RELN: variants seen among roughly 807,000 people sequenced by gnomAD.
RELN encodes reelin.
RELN carries 108 observed loss-of-function variants against 427.6 expected under a neutral mutation model. The ratio of observed to expected loss-of-function variants is 0.25; its 90% confidence interval spans 0.22 to 0.30. RELN has a LOEUF of 0.30. RELN is among the 10% of genes least tolerant of loss of function. RELN has a pLI of 1.00. For missense variants in RELN, 3,715 were observed against 4,302.8 expected, an observed-to-expected ratio of 0.86 and a Z score of 3.82; for synonymous variants, 1,524 against 1,513.4, an observed-to-expected ratio of 1.01 and a Z score of -0.16.
chr7:103,532,514 A>G (rs1406424071), intron 46 of RELN, among the ~76,000 whole-genome samples: 3 of 152,118 alleles, frequency 2.0e-5, no homozygotes, highest in Non-Finnish European at 2.9e-5. Flanking sequence ...ATGTCTCCCT[A>G]TTGCCAAACA....
intron 8 of RELN, among the ~76,000 whole-genome samples, chr7:103,703,654 G>A (rs912443732): frequency 6.6e-6 from 1 of 152,166 alleles, no homozygotes; most frequent in African/African-American, 2.4e-5. Context: ...AGAAAGGAAG[G>A]ACAATTTCAA....
Position 103,485,690 on chromosome 7 carries a change from C to T in RELN, c.9983+507G>A, listed in dbSNP as rs763786395. ...TCTGCCCACTCTACTCTGCATTAAC[C>T]CTCAGCAATTTAACCCTCAGCAATT... On this transcript the variant is annotated intron_variant, in intron 61 of 64. Coordinates refer to ENST00000428762, the MANE Select transcript of RELN (RefSeq NM_005045.4). 2.6e-5 allele frequency among the ~76,000 whole-genome samples: 4 copies of T among 152,092 alleles called. No homozygotes were observed. In the South Asian group the frequency reaches 8.3e-4, roughly 32 times the overall value.
chr7:103,813,224 C>T (rs1304315039), intron 3 of RELN, among the ~76,000 whole-genome samples: 1 of 152,086 alleles, frequency 6.6e-6, no homozygotes, highest in Non-Finnish European at 1.5e-5. Context: ...GTCTCTCTCC[C>T]ACCTCCATTA....
intron 62 of RELN, among the ~76,000 whole-genome samples, chr7:103,483,403 G>A (rs958288286): frequency 3.3e-5 from 5 of 152,180 alleles, no homozygotes; most frequent in African/African-American, 1.2e-4. Flanking sequence ...GGCAAAAACT[G>A]CCCTTGCGTT....
intron 24 of RELN, among the ~76,000 whole-genome samples, chr7:103,598,871 T>A (rs554588251): frequency 3.6e-4 from 55 of 152,314 alleles, no homozygotes; most frequent in Middle Eastern, 3.4e-3. Context: ...TGCTTTGCAG[T>A]TTTTCTGTTA....
chr7:103,539,295 C>G lies in RELN; in HGVS notation c.6963G>C (p.Thr2321=), dbSNP rs577520481. 1 of 1,614,066 alleles carries G rather than the reference C, an allele frequency of 6.2e-7. No individual in the cohort carries two copies. Residue 2321 remains threonine (T), a synonymous_variant, in exon 45 of 65, where the codon ACG becomes ACC. Coordinates refer to ENST00000428762, the MANE Select transcript of RELN (RefSeq NM_005045.4). The stretch of plus-strand genomic sequence containing the variant: ...GGGTTGTGAAATCATCTTCCAAGAC[C>G]GTATTACCAGAAATATTTCCTCCAA... ...ILIGGNISGN[T]VLEDDFTTLD... is the part of the protein sequence containing the mutation.
At chr7:103,805,165 T>C (rs1462500379) in intron 3 of RELN, among the ~76,000 whole-genome samples, 2 of 152,132 alleles carry the variant, frequency 1.3e-5, no homozygotes, top group Non-Finnish European at 2.9e-5. Flanking sequence ...GTAAATGGTA[T>C]AACCTGTCTA....
chr7:103,748,390 T>C (rs972976836), intron 6 of RELN, among the ~76,000 whole-genome samples: 1 of 152,232 alleles, frequency 6.6e-6, no homozygotes, highest in South Asian at 2.1e-4. Flanking sequence ...ACACTCTATA[T>C]GTCATCTTCA....
At chr7:103,713,042 C>G (rs2115856970) in intron 8 of RELN, among the ~76,000 whole-genome samples, 1 of 152,210 alleles carries the variant, frequency 6.6e-6, no homozygotes, top group African/African-American at 2.4e-5. Context: ...AATGAGCTGC[C>G]TTTTCAAATG....
intron 42 of RELN, among the ~76,000 whole-genome samples, chr7:103,544,135 G>A (rs1031107379): frequency 6.7e-6 from 1 of 150,122 alleles, no homozygotes; most frequent in Non-Finnish European, 1.5e-5. Context: ...TCCACTGTAT[G>A]GATATACTTA....
intron 4 of RELN, among the ~76,000 whole-genome samples, chr7:103,760,243 T>G (rs1791264812): frequency 6.7e-6 from 1 of 148,814 alleles, no homozygotes; most frequent in Non-Finnish European, 1.5e-5. Context: ...ACAAATCACA[T>G]GCTAAAAGTT....
At chr7:103,689,348 G>C (rs1045514161) in intron 10 of RELN, among the ~76,000 whole-genome samples, 1 of 152,114 alleles carries the variant, frequency 6.6e-6, no homozygotes, top group Non-Finnish European at 1.5e-5. Context: ...ATCTCATAGT[G>C]ATCTGCGTTT....
intron 4 of RELN, among the ~76,000 whole-genome samples, chr7:103,775,098 A>G (rs1297218670): frequency 1.3e-5 from 2 of 152,200 alleles, no homozygotes; most frequent in South Asian, 2.1e-4. Context: ...ACAATGGTAA[A>G]TGTTAATAAA....
chr7:103,668,782 G>A (rs1833327035), intron 11 of RELN, among the ~76,000 whole-genome samples: 3 of 152,082 alleles, frequency 2.0e-5, no homozygotes, highest in Admixed American at 6.5e-5. Flanking sequence ...CTGGTTCATT[G>A]GTCTTTTGCT....
chr7:103,940,571 C>T (rs548924211), intron 1 of RELN, among the ~76,000 whole-genome samples: 3 of 152,178 alleles, frequency 2.0e-5, no homozygotes, highest in African/African-American at 7.2e-5. Flanking sequence ...CTTTCCATAT[C>T]CCCTTATGTG....
intron 11 of RELN, among the ~76,000 whole-genome samples, chr7:103,675,129 T>C (rs995013601): frequency 2.0e-5 from 3 of 152,174 alleles, no homozygotes; most frequent in Non-Finnish European, 2.9e-5. Flanking sequence ...ATTGTATATT[T>C]AGAAAACCCC....
At chr7:103,888,158 G>A (rs1225417487) in intron 2 of RELN, among the ~76,000 whole-genome samples, 1 of 151,870 alleles carries the variant, frequency 6.6e-6, no homozygotes, top group Non-Finnish European at 1.5e-5. Context: ...TTATACAAAT[G>A]CTCTTTCCCC....
intron 60 of RELN, among the ~76,000 whole-genome samples, chr7:103,487,227 C>G (rs1050895222): frequency 1.3e-5 from 2 of 151,842 alleles, no homozygotes. Context: ...TGGACACAGG[C>G]AGGGGAACAT....
chr7:103,617,357 A>C (rs1442898574), intron 20 of RELN, among the ~76,000 whole-genome samples: 3 of 152,264 alleles, frequency 2.0e-5, no homozygotes, highest in Admixed American at 6.5e-5. Context: ...CCTGAAACAC[A>C]AGTTTAAAAC....
Sources: gnomAD v4.1 joint callset for allele counts (sites outside exome capture counted in the v4.1 genomes callset) on GRCh38, gnomAD v4.1.1 for gene constraint, MANE v1.5 for transcripts, NCBI Gene and HGNC (gene_info 2026-07-23, HGNC 2026-07-21) for gene names.